Variants in SUPT3H observed in about 807,000 individuals in gnomAD.
The protein encoded by SUPT3H is transcription initiation protein SPT3 homolog.
A neutral mutation model predicts 44.3 loss-of-function variants in SUPT3H; 44 were observed. That is an observed-to-expected ratio of 0.99 (90% confidence interval 0.78 to 1.28). SUPT3H has a LOEUF of 1.28. Among genes scored for constraint, SUPT3H ranks in the 50% most tolerant of loss-of-function variants. The probability of loss-of-function intolerance (pLI) is 0.00; values close to 1 mark genes in which losing one functional copy is unlikely to be tolerated. For synonymous variants in SUPT3H, 124 were observed against 125.6 expected (o/e 0.99, Z 0.09); for missense variants, 380 against 387.1 (o/e 0.98, Z 0.15).
intron 5 of SUPT3H, among the ~76,000 whole-genome samples, chr6:45,004,881 C>T (rs772113872): frequency 1.8e-4 from 28 of 152,282 alleles, no homozygotes; most frequent in Middle Eastern, 6.8e-3. Flanking sequence ...TCCTTCTTAA[C>T]GGCTGTGTAA....
chr6:45,111,942 C>T (rs1289557257), intron 2 of SUPT3H, among the ~76,000 whole-genome samples: 1 of 151,970 alleles, frequency 6.6e-6, no homozygotes, highest in Non-Finnish European at 1.5e-5. Flanking sequence ...ATATTCTGGC[C>T]GTCAGCTACA....
In SUPT3H at chr6:44,964,909, G is replaced by T. The variant is rs372446241; in HGVS notation, c.505-3081C>A. 4.4e-4 allele frequency among the ~76,000 whole-genome samples: 67 copies of T among 152,318 alleles called. 2 individuals are homozygous for T. In the South Asian group the frequency reaches 0.013, roughly 30 times the overall value. Reference sequence around the variant, plus strand: ...AATTCAAAGGGAATTGAGGCTCAGAGAAGTGATTTGTCAAAGGTGGACTAA... The same window carrying T: ...AATTCAAAGGGAATTGAGGCTCAGATAAGTGATTTGTCAAAGGTGGACTAA... On this transcript the variant is annotated intron_variant, in intron 6 of 10. Coordinates refer to ENST00000371459, the MANE Select transcript of SUPT3H (RefSeq NM_003599.4).
chr6:45,308,487 G>C (rs1783447889), intron 2 of SUPT3H, among the ~76,000 whole-genome samples: 1 of 152,136 alleles, frequency 6.6e-6, no homozygotes, highest in Non-Finnish European at 1.5e-5. Context: ...TGCATATCCA[G>C]CCAAACTAAG....
At chr6:44,991,544 G>A (rs1021879031) in intron 6 of SUPT3H, among the ~76,000 whole-genome samples, 2 of 151,562 alleles carry the variant, frequency 1.3e-5, no homozygotes, top group East Asian at 1.9e-4. Context: ...TTTTTAGATG[G>A]AGTCTCCCTC....
chr6:45,155,943 A>G (rs1807744525), intron 2 of SUPT3H, among the ~76,000 whole-genome samples: 1 of 152,176 alleles, frequency 6.6e-6, no homozygotes, highest in African/African-American at 2.4e-5. Context: ...ACTATACCTT[A>G]CAGCAAATAA....
chr6:45,199,432 A>AT (rs759375139), intron 2 of SUPT3H, among the ~76,000 whole-genome samples: 1 of 151,340 alleles, frequency 6.6e-6, no homozygotes, highest in Non-Finnish European at 1.5e-5. Flanking sequence ...AAAAAAAAGT[A>AT]TTTTTTGCAT....
At chr6:45,340,404 A>C (rs1789518570) in intron 2 of SUPT3H, among the ~76,000 whole-genome samples, 1 of 152,080 alleles carries the variant, frequency 6.6e-6, no homozygotes, top group African/African-American at 2.4e-5. Flanking sequence ...GCTCACTGCA[A>C]CTTTGACCTC....
At chr6:45,249,040 T>C (rs1203667117) in intron 2 of SUPT3H, among the ~76,000 whole-genome samples, 1 of 152,190 alleles carries the variant, frequency 6.6e-6, no homozygotes, top group Non-Finnish European at 1.5e-5. Flanking sequence ...CTGGGAATTC[T>C]ACTCCCAGGA....
At chr6:45,172,313 C>T (rs777979400) in intron 2 of SUPT3H, among the ~76,000 whole-genome samples, 11 of 147,030 alleles carry the variant, frequency 7.5e-5, no homozygotes, top group Non-Finnish European at 1.5e-4. Flanking sequence ...CCTCATGATC[C>T]GCCCCCCTCG....
intron 6 of SUPT3H, among the ~76,000 whole-genome samples, chr6:44,984,574 G>A (rs1008849742): frequency 2.6e-5 from 4 of 151,922 alleles, no homozygotes; most frequent in Middle Eastern, 3.2e-3. Flanking sequence ...GCATCTTTGC[G>A]ATCCCCAGTC....
intron 2 of SUPT3H, among the ~76,000 whole-genome samples, chr6:45,347,041 G>C (rs901624062): frequency 6.6e-6 from 1 of 151,984 alleles, no homozygotes; most frequent in Non-Finnish European, 1.5e-5. Flanking sequence ...GAAAAGAGAG[G>C]TGGTACTTTA....
At chr6:45,186,777 T>C (rs781251329) in intron 2 of SUPT3H, among the ~76,000 whole-genome samples, 3 of 152,124 alleles carry the variant, frequency 2.0e-5, no homozygotes, top group Non-Finnish European at 4.4e-5. Context: ...ATGAAGCAAG[T>C]CATAAGATCC....
In SUPT3H at chr6:45,100,399, G is replaced by C. The variant is rs377566695; in HGVS notation, c.186+5523C>G. Among the ~76,000 whole-genome samples the C allele has an allele frequency of 2.6e-5, 4 of 151,600 alleles. No individual in the cohort carries two copies. The East Asian group carries it at 7.7e-4, about 29-fold the overall frequency. On this transcript the variant is annotated intron_variant, in intron 3 of 10. Coordinates refer to ENST00000371459, the MANE Select transcript of SUPT3H (RefSeq NM_003599.4). ...TCCAATTAAAAAAATAGGCAAAAGA[G>C]CTGAATCAACATCTTTCAAAAGACA...
At chr6:44,938,792 A>G (rs1310414889) in intron 9 of SUPT3H, among the ~76,000 whole-genome samples, 1 of 152,112 alleles carries the variant, frequency 6.6e-6, no homozygotes, top group East Asian at 1.9e-4. Flanking sequence ...CTTTCATTTC[A>G]TTGGTTAAAT....
chr6:45,326,346 T>C (rs1786328429), intron 2 of SUPT3H, among the ~76,000 whole-genome samples: 1 of 151,894 alleles, frequency 6.6e-6, no homozygotes, highest in Non-Finnish European at 1.5e-5. Flanking sequence ...TGTTTGGAAA[T>C]CCCACAAGCT....
chr6:45,359,159 TA>T (rs960413638), intron 2 of SUPT3H, among the ~76,000 whole-genome samples: 7 of 152,148 alleles, frequency 4.6e-5, no homozygotes, highest in Admixed American at 2.6e-4. Context: ...AATATTTAAA[TA>T]AAAAAATCAA....
At chr6:45,099,597 C>G (rs2153567684) in intron 3 of SUPT3H, among the ~76,000 whole-genome samples, 1 of 152,270 alleles carries the variant, frequency 6.6e-6, no homozygotes, top group South Asian at 2.1e-4. Flanking sequence ...AGTATTATCA[C>G]TTACCATAAT....
intron 10 of SUPT3H, among the ~76,000 whole-genome samples, chr6:44,922,030 G>A (rs534220039): frequency 1.3e-5 from 2 of 152,312 alleles, no homozygotes; most frequent in East Asian, 3.9e-4. Context: ...TATGCCCAGA[G>A]CTGCGAGTGC....
intron 2 of SUPT3H, among the ~76,000 whole-genome samples, chr6:45,119,809 A>C (rs1404950314): frequency 6.6e-6 from 1 of 152,180 alleles, no homozygotes; most frequent in African/African-American, 2.4e-5. Context: ...GGGCCAAGTA[A>C]AAAATATTCA....
Sources: allele counts gnomAD v4.1 joint callset (sites outside exome capture counted in the v4.1 genomes callset), GRCh38; gene constraint gnomAD v4.1.1; transcripts MANE v1.5; gene names NCBI Gene and HGNC (gene_info 2026-07-23, HGNC 2026-07-21).